The following WWC2 variants were observed in gnomAD, a reference collection of about 807,000 sequenced individuals.
The protein encoded by WWC2 is protein WWC2.
In WWC2, 101 loss-of-function variants were observed where a neutral mutation model predicts 138.5. The ratio of observed to expected loss-of-function variants is 0.73; its 90% CI spans 0.62 to 0.86. The LOEUF (loss-of-function observed/expected upper bound fraction) is 0.86. Ranked by LOEUF, WWC2 falls within the 40% of genes least tolerant of loss-of-function variation. The pLI is 0.00. For synonymous variants in WWC2, 558 were observed against 538.4 expected, an observed-to-expected ratio of 1.04 and a Z score of -0.50; for missense variants, 1,420 against 1,419.4, an observed-to-expected ratio of 1.00 and a Z score of -0.01.
At chr4:183,300,825 C>T (rs1738811641) in intron 21 of WWC2, among the ~76,000 whole-genome samples, 1 of 151,586 alleles carries the variant, frequency 6.6e-6, no homozygotes, top group Non-Finnish European at 1.5e-5. Flanking sequence ...AAGTTGAAAA[C>T]ATCAGCAGCC....
At chr4:183,107,219 G>C (rs1743395346) in intron 1 of WWC2, among the ~76,000 whole-genome samples, 1 of 151,902 alleles carries the variant, frequency 6.6e-6, no homozygotes, top group Non-Finnish European at 1.5e-5. Flanking sequence ...GTGCAGTGGT[G>C]ATCTCGGCTC....
intron 1 of WWC2, among the ~76,000 whole-genome samples, chr4:183,105,619 T>G (rs184038639): frequency 2.0e-5 from 3 of 152,188 alleles, no homozygotes; most frequent in Non-Finnish European, 4.4e-5. Flanking sequence ...TGCCGGGCGC[T>G]GTGGCTCACG....
intron 4 of WWC2, among the ~76,000 whole-genome samples, chr4:183,226,962 G>T (rs1452114816): frequency 1.3e-5 from 2 of 152,044 alleles, no homozygotes; most frequent in East Asian, 3.8e-4. Flanking sequence ...AATTTGATAA[G>T]CTAGGTGCAT....
At chr4:183,212,934 G>A (rs961636532) in intron 4 of WWC2, among the ~76,000 whole-genome samples, 1 of 152,060 alleles carries the variant, frequency 6.6e-6, no homozygotes, top group African/African-American at 2.4e-5. Context: ...TTATCACCTT[G>A]TGACCACAAA....
intron 8 of WWC2, among the ~76,000 whole-genome samples, chr4:183,252,488 T>A (rs1737010553): frequency 6.6e-6 from 1 of 152,210 alleles, no homozygotes; most frequent in Non-Finnish European, 1.5e-5. Flanking sequence ...CTCTACCATG[T>A]GTTACGAAGC....
intron 21 of WWC2, among the ~76,000 whole-genome samples, chr4:183,308,881 A>G (rs776344631): frequency 6.6e-6 from 1 of 152,182 alleles, no homozygotes; most frequent in Non-Finnish European, 1.5e-5. Context: ...TTTTCTATTC[A>G]TGGTTGGTTG....
intron 1 of WWC2, among the ~76,000 whole-genome samples, chr4:183,145,352 A>G (rs920737340): frequency 2.0e-5 from 3 of 151,634 alleles, no homozygotes; most frequent in Non-Finnish European, 4.4e-5. Flanking sequence ...TATTTTTTTT[A>G]TTGTTAAAAA....
At chr4:183,226,095 C>CTTTTTTTTTTTTTT (rs11321151) in intron 4 of WWC2, among the ~76,000 whole-genome samples, 5 of 113,532 alleles carry the variant, frequency 4.4e-5, no homozygotes, top group Admixed American at 8.4e-5. Context: ...CTTTTCTTTT[C>CTTTTTTTTTTTTTT]TTTTTTTTTT....
chr4:183,152,540 A>G (rs547469706), intron 1 of WWC2, among the ~76,000 whole-genome samples: 1 of 151,432 alleles, frequency 6.6e-6, no homozygotes, highest in Admixed American at 6.6e-5. Flanking sequence ...TAAAAAAAAA[A>G]AAAAAACGCA....
At chr4:183,195,051 T>C (rs1459833853) in intron 2 of WWC2, among the ~76,000 whole-genome samples, 2 of 152,222 alleles carry the variant, frequency 1.3e-5, no homozygotes, top group African/African-American at 4.8e-5. Context: ...TAAATGTTTA[T>C]TGATATACTG....
chr4:183,181,322 A>AG (rs1338490289), intron 1 of WWC2, among the ~76,000 whole-genome samples: 2 of 152,202 alleles, frequency 1.3e-5, no homozygotes, highest in African/African-American at 4.8e-5. Context: ...GTAAACCTTT[A>AG]GTACACTGTG....
At position 183,313,146 on chromosome 4, in the gene WWC2, C is replaced by T. The variant is rs915561146; in HGVS notation, c.3512+678C>T. 2.8e-4 allele frequency among the ~76,000 whole-genome samples: 42 copies of T among 152,262 alleles called. 1 individual carries two copies. Among genetic ancestry groups the T allele is most frequent in the South Asian group, 2.7e-3 (13 of 4,820 alleles). On this transcript the variant is annotated intron_variant, in intron 22 of 22. Coordinates refer to ENST00000403733, the MANE Select transcript of WWC2 (RefSeq NM_024949.6). The stretch of plus-strand genomic sequence containing the variant: ...ATTGAGGCGGGAAGAACAGCATGGA[C>T]AGAGGCACAGACCTTAGAAGTCAGT...
chr4:183,282,679 A>G (rs1738115478), intron 17 of WWC2, 29 bp from the exon 18 acceptor site: 16 of 1,552,730 alleles, frequency 1.0e-5, no homozygotes, highest in Middle Eastern at 1.7e-4. Flanking sequence ...CCTGCCTACC[A>G]AAAGTGTTTT....
At chr4:183,152,110 A>G (rs1561437941) in intron 1 of WWC2, among the ~76,000 whole-genome samples, 1 of 152,216 alleles carries the variant, frequency 6.6e-6, no homozygotes, top group Non-Finnish European at 1.5e-5. Flanking sequence ...TTACAAATCC[A>G]CAGAGACAAT....
chr4:183,245,083 C>T lies in WWC2; in HGVS notation c.603-333C>T, dbSNP rs182717605. On this transcript the variant is annotated intron_variant, in intron 5 of 22. Transcript: ENST00000403733. ...CTTTACCAAAAATACAAAAATTAGC[C>T]GGGCATCGTGGCGGGTGCCTGTAAT... Among the ~76,000 whole-genome samples the T allele has an allele frequency of 8.5e-3, 1,296 of 151,906 alleles. 15 individuals carry two copies. Among genetic ancestry groups the T allele is most frequent in the African/African-American group, 0.03 (1,237 of 41,416 alleles).
At chr4:183,145,554 C>T (rs1024419174) in intron 1 of WWC2, among the ~76,000 whole-genome samples, 4 of 152,224 alleles carry the variant, frequency 2.6e-5, no homozygotes, top group Non-Finnish European at 5.9e-5. Flanking sequence ...ACAATATAGC[C>T]ACATGGGAGA....
intron 9 of WWC2, among the ~76,000 whole-genome samples, chr4:183,257,044 A>G (rs113972224): frequency 3.3e-5 from 5 of 152,244 alleles, no homozygotes; most frequent in African/African-American, 9.6e-5. Flanking sequence ...CGCAAATGAA[A>G]AAAACCATGC....
At chr4:183,159,760 T>C (rs1174135208) in intron 1 of WWC2, among the ~76,000 whole-genome samples, 5 of 151,914 alleles carry the variant, frequency 3.3e-5, no homozygotes, top group Non-Finnish European at 7.4e-5. Context: ...AATACATTAA[T>C]TTTGTGGAGT....
In WWC2 at chr4:183,261,228, A is replaced by G. The variant is rs1737318534; in HGVS notation, c.1605A>G (p.Pro535=). 2 of 1,612,820 alleles carry G rather than the reference A, an allele frequency of 1.2e-6. No individual in the cohort carries two copies. The highest frequency in any genetic ancestry group is 1.7e-6 in the Non-Finnish European group (2 of 1,179,474). Reference sequence around the variant, plus strand: ...CTGCAGCAACAGGCCACACTCCTCCACTGGCTGAGGCCCCGAAGTCTGTGG... The same window carrying G: ...CTGCAGCAACAGGCCACACTCCTCCGCTGGCTGAGGCCCCGAAGTCTGTGG... The part of the protein sequence containing the change: ...VAAAATGHTP[P]LAEAPKSVAS... The change falls in exon 11 of 23, where the codon CCA becomes CCG. Residue 535 remains proline, a synonymous_variant. Coordinates refer to ENST00000403733, the MANE Select transcript of WWC2 (RefSeq NM_024949.6).
Sources: gnomAD v4.1 joint callset for allele counts (sites outside exome capture counted in the v4.1 genomes callset) on GRCh38, gnomAD v4.1.1 for gene constraint, MANE v1.5 for transcripts, NCBI Gene and HGNC (gene_info 2026-07-23, HGNC 2026-07-21) for gene names.